The following DIAPH2 variants were observed in gnomAD, a reference collection of about 807,000 sequenced individuals.
DIAPH2 encodes the protein diaphanous related formin 2.
In DIAPH2, 35 loss-of-function variants were observed where a neutral mutation model predicts 92.7. The observed-to-expected ratio is 0.38, with a 90% CI of 0.29 to 0.50. The LOEUF is 0.50. Ranked by LOEUF, DIAPH2 falls within the 20% of genes least tolerant of loss-of-function variation. The probability of loss-of-function intolerance (pLI) is 0.94; values close to 1 mark genes in which losing one functional copy is unlikely to be tolerated. For missense variants in DIAPH2, 701 were observed against 819.5 expected (o/e 0.86, Z 1.77); for synonymous variants, 301 against 280.4 (o/e 1.07, Z -0.73).
chrX:97,188,751 C>T (rs967770114), intron 22 of DIAPH2, among the ~76,000 whole-genome samples: 1 of 112,159 alleles, frequency 8.9e-6, no homozygotes, highest in African/African-American at 3.2e-5. Flanking sequence ...TGCAATAGAG[C>T]ATTTTAATTA....
At chrX:97,550,423 T>C (rs2071211727) in intron 26 of DIAPH2, among the ~76,000 whole-genome samples, 1 of 112,218 alleles carries the variant, frequency 8.9e-6, no homozygotes, top group Admixed American at 9.4e-5. Flanking sequence ...CTTTCATATA[T>C]AGACTTCAGA....
At chrX:97,108,376 A>G (rs1007444097) in intron 20 of DIAPH2, among the ~76,000 whole-genome samples, 7 of 111,681 alleles carry the variant, frequency 6.3e-5, no homozygotes, top group African/African-American at 2.3e-4. Context: ...CTAAATACAA[A>G]CACAAATTTC....
At chrX:97,015,950 T>G (rs1024485717) in intron 17 of DIAPH2, among the ~76,000 whole-genome samples, 1 of 111,627 alleles carries the variant, frequency 9.0e-6, no homozygotes, top group Non-Finnish European at 1.9e-5. Flanking sequence ...CAAATTATAT[T>G]TAAATAAGTT....
intron 1 of DIAPH2, among the ~76,000 whole-genome samples, chrX:96,687,272 A>C (rs750334814): frequency 8.9e-6 from 1 of 111,798 alleles, no homozygotes; most frequent in Admixed American, 9.5e-5. Context: ...GTGGTAAAAA[A>C]GAAGTTAACT....
intron 4 of DIAPH2, among the ~76,000 whole-genome samples, chrX:96,812,387 T>G (rs1041520082): frequency 1.8e-5 from 2 of 111,914 alleles, no homozygotes; most frequent in African/African-American, 6.5e-5. Context: ...CATTTTTTAT[T>G]GCATCTATTC....
chrX:97,432,045 C>A (rs1171267613), intron 26 of DIAPH2, among the ~76,000 whole-genome samples: 1 of 111,655 alleles, frequency 9.0e-6, no homozygotes, highest in Admixed American at 9.6e-5. Flanking sequence ...TTCCAACAAC[C>A]TCCACTTCAG....
intron 17 of DIAPH2, among the ~76,000 whole-genome samples, chrX:97,023,631 G>A (rs1048477734): frequency 9.0e-6 from 1 of 111,620 alleles, no homozygotes; most frequent in African/African-American, 3.3e-5. Context: ...TGACTTACAG[G>A]ACATTTCGTT....
chrX:96,962,310 T>TACATATATATAC (rs2065856897), intron 16 of DIAPH2, among the ~76,000 whole-genome samples: 1 of 37,566 alleles, frequency 2.7e-5, no homozygotes, highest in African/African-American at 9.8e-5. Context: ...CATATATATA[T>TACATATATATAC]ACATATATAT....
intron 17 of DIAPH2, among the ~76,000 whole-genome samples, chrX:97,033,854 G>A (rs1252843976): frequency 9.0e-6 from 1 of 111,333 alleles, no homozygotes; most frequent in East Asian, 2.8e-4. Flanking sequence ...ATATACACTG[G>A]TATAAAGGGC....
intron 23 of DIAPH2, among the ~76,000 whole-genome samples, chrX:97,254,682 AACTTT>A (rs1268129045): frequency 9.2e-6 from 1 of 109,240 alleles, no homozygotes; most frequent in African/African-American, 3.3e-5. Flanking sequence ...TACTATTACT[AACTTT>A]ATTTTATTTT....
intron 23 of DIAPH2, among the ~76,000 whole-genome samples, chrX:97,342,635 G>A (rs2069122037): frequency 8.9e-6 from 1 of 112,031 alleles, no homozygotes; most frequent in Non-Finnish European, 1.9e-5. Context: ...GCACGTCTAG[G>A]TGTTGATGAG....
intron 23 of DIAPH2, among the ~76,000 whole-genome samples, chrX:97,271,225 G>C (rs935578736): frequency 9.0e-6 from 1 of 111,360 alleles, no homozygotes; most frequent in Non-Finnish European, 1.9e-5. Flanking sequence ...ACCTAGCACA[G>C]GTTCTTTGGC....
At chrX:96,803,083 G>A (rs2064596181) in intron 4 of DIAPH2, among the ~76,000 whole-genome samples, 1 of 110,854 alleles carries the variant, frequency 9.0e-6, no homozygotes, top group Non-Finnish European at 1.9e-5. Flanking sequence ...GATTGAGGGT[G>A]GGTCTGCCTC....
chrX:96,876,046 A>T (rs749061887), intron 4 of DIAPH2, among the ~76,000 whole-genome samples: 48 of 112,088 alleles, frequency 4.3e-4, no homozygotes, highest in South Asian at 1.1e-3. Context: ...GAATCTACAA[A>T]GAACTCAAAC....
intron 17 of DIAPH2, among the ~76,000 whole-genome samples, chrX:96,976,633 C>T (rs1452829199): frequency 1.8e-5 from 2 of 110,421 alleles, no homozygotes; most frequent in Non-Finnish European, 3.8e-5. Context: ...ATGTTTCAGC[C>T]AGAGATACAT....
At chrX:97,029,869 A>G (rs1443702466) in intron 17 of DIAPH2, among the ~76,000 whole-genome samples, 2 of 111,364 alleles carry the variant, frequency 1.8e-5, no homozygotes, top group Non-Finnish European at 1.9e-5. Flanking sequence ...TGAAATTGGC[A>G]GGTGTGTGTC....
At chrX:97,077,964 A>G (rs753407401) in intron 19 of DIAPH2, among the ~76,000 whole-genome samples, 25 of 111,897 alleles carry the variant, frequency 2.2e-4, no homozygotes, top group Non-Finnish European at 4.3e-4. Flanking sequence ...GGTGACTTTT[A>G]GAATCATTAT....
chrX:97,324,356 T>C (rs775882873), intron 23 of DIAPH2, among the ~76,000 whole-genome samples: 1 of 112,354 alleles, frequency 8.9e-6, no homozygotes, highest in Non-Finnish European at 1.9e-5. Context: ...TTTCATTAGC[T>C]ATAAAAAACA....
At chrX:97,511,647 G>C (rs2070893895) in intron 26 of DIAPH2, among the ~76,000 whole-genome samples, 1 of 109,917 alleles carries the variant, frequency 9.1e-6, no homozygotes, top group Non-Finnish European at 1.9e-5. Flanking sequence ...CTGTGGGTTT[G>C]TCATAGATAG....
Sources: gnomAD v4.1 joint callset for allele counts (sites outside exome capture counted in the v4.1 genomes callset) on GRCh38, gnomAD v4.1.1 for gene constraint, MANE v1.5 for transcripts, NCBI Gene and HGNC (gene_info 2026-07-23, HGNC 2026-07-21) for gene names.